Variants in DPP6 observed in about 807,000 individuals in gnomAD.
DPP6 encodes the protein dipeptidyl peptidase like 6.
DPP6 carries 69 observed loss-of-function variants against 122.6 expected under a neutral mutation model. That is an observed-to-expected ratio of 0.56 (90% confidence interval 0.46 to 0.69). The LOEUF is 0.69. Among genes scored for constraint, DPP6 ranks in the 30% least tolerant of loss-of-function variants. DPP6 has a pLI of 0.00. For synonymous variants in DPP6, 418 were observed against 433.1 expected, an observed-to-expected ratio of 0.97 and a Z score of 0.43; for missense variants, 928 against 1,116.9, an observed-to-expected ratio of 0.83 and a Z score of 2.41.
intron 8 of DPP6, among the ~76,000 whole-genome samples, chr7:154,730,109 T>C (rs1169041864): frequency 2.6e-5 from 4 of 152,186 alleles, no homozygotes; most frequent in East Asian, 1.9e-4. Context: ...TAAAGCCCCT[T>C]GTGTGCTGCC....
rs117124652 is a variant in DPP6, at chr7:154,332,535, G to A, written c.244-113679G>A. Reference sequence around the variant, plus strand: ...CATGGATGACCCTCTGGGTAGCAACGTTTGGGGTCTTTGTGTGTCCACACA... The same window carrying A: ...CATGGATGACCCTCTGGGTAGCAACATTTGGGGTCTTTGTGTGTCCACACA... On this transcript the variant is annotated intron_variant, in intron 1 of 25. Coordinates refer to ENST00000377770, the MANE Select transcript of DPP6 (RefSeq NM_130797.4). Among the ~76,000 whole-genome samples, 1,047 of 152,348 alleles carry A rather than the reference G, an allele frequency of 6.9e-3. 25 individuals carry two copies. Among genetic ancestry groups the A allele is most frequent in the East Asian group, 0.057 (297 of 5,182 alleles).
At chr7:154,185,177 G>C (rs929709703) in intron 1 of DPP6, among the ~76,000 whole-genome samples, 5 of 152,198 alleles carry the variant, frequency 3.3e-5, no homozygotes, top group Admixed American at 2.6e-4. Flanking sequence ...GCATTCAAAT[G>C]TATGGTATGC....
chr7:154,494,177 G>C (rs1190107711), intron 3 of DPP6, among the ~76,000 whole-genome samples: 1 of 152,000 alleles, frequency 6.6e-6, no homozygotes. Context: ...AATAAAGTGA[G>C]AAATCATTTC....
chr7:154,836,496 G>A (rs1584847956), intron 16 of DPP6, among the ~76,000 whole-genome samples: 2 of 152,220 alleles, frequency 1.3e-5, no homozygotes, highest in South Asian at 2.1e-4. Flanking sequence ...TCACTTGTGC[G>A]GCTGTTCGAA....
intron 8 of DPP6, among the ~76,000 whole-genome samples, chr7:154,735,472 G>A (rs1447433350): frequency 6.6e-6 from 1 of 152,198 alleles, no homozygotes; most frequent in African/African-American, 2.4e-5. Context: ...GACCTATGAG[G>A]TACTGTGCAA....
At position 154,241,924 on chromosome 7, in the gene DPP6, G is replaced by A. The variant is rs149976337; in HGVS notation, c.243+188861G>A. ...CTTCCTCTGGCATTCACAGAGGGCT[G>A]AGTTTCTAGTAGATGTTAATCAAAT... On this transcript the variant is annotated intron_variant, in intron 1 of 25. Transcript: ENST00000377770. This position sits in a 1 kb window ranked among gnomAD's most constrained non-coding sequence, Gnocchi z 9.0. 6.6e-6 allele frequency among the ~76,000 whole-genome samples: 1 copy of A among 152,272 alleles called. No individual in the cohort carries two copies. The highest frequency in any genetic ancestry group is 1.5e-5 in the Non-Finnish European group (1 of 68,022).
chr7:154,558,694 G>C (rs1395479380), intron 4 of DPP6, among the ~76,000 whole-genome samples: 1 of 152,220 alleles, frequency 6.6e-6, no homozygotes, highest in African/African-American at 2.4e-5. Flanking sequence ...ATATGGCCTA[G>C]GTGTGGAGTA....
At chr7:153,950,371 C>G (rs947367326) in intron 1 of DPP6, among the ~76,000 whole-genome samples, 1 of 152,122 alleles carries the variant, frequency 6.6e-6, no homozygotes, top group African/African-American at 2.4e-5. Flanking sequence ...GGAGGTAGAG[C>G]TGGACTAGGA....
chr7:153,767,911 C>T, the DPP6 span, among the ~76,000 whole-genome samples: 1 of 152,086 alleles, frequency 6.6e-6, no homozygotes, highest in African/African-American at 2.4e-5. Context: ...GGGGCAGCAC[C>T]TGGGTGGTGA....
rs142061244 is a variant in DPP6, at chr7:154,319,441, C to A, written c.244-126773C>A. 9.1e-3 allele frequency among the ~76,000 whole-genome samples: 1,387 copies of A among 152,306 alleles called. 5 individuals are homozygous for A. Among genetic ancestry groups the A allele is most frequent in the South Asian group, 0.033 (157 of 4,830 alleles). The stretch of plus-strand genomic sequence containing the variant: ...GGGCATGGTGATTCATGCCTGTAAT[C>A]CCAGCACTTTGGGAGGCCGAGGCGG... On this transcript the variant is annotated intron_variant, in intron 1 of 25. Coordinates refer to ENST00000377770, the MANE Select transcript of DPP6 (RefSeq NM_130797.4).
At chr7:154,256,613 C>G (rs1454233534) in intron 1 of DPP6, among the ~76,000 whole-genome samples, 1 of 152,198 alleles carries the variant, frequency 6.6e-6, no homozygotes, top group Admixed American at 6.5e-5. Context: ...TTCTTTTGTT[C>G]TTAAATATTT....
intron 1 of DPP6, among the ~76,000 whole-genome samples, chr7:154,006,607 T>C (rs1797922656): frequency 6.6e-6 from 1 of 152,172 alleles, no homozygotes; most frequent in Admixed American, 6.5e-5. Flanking sequence ...AGCTGAGCTC[T>C]GCACGGACAG....
At chr7:154,186,445 A>G (rs574755003) in intron 1 of DPP6, among the ~76,000 whole-genome samples, 110 of 152,400 alleles carry the variant, frequency 7.2e-4, no homozygotes, top group African/African-American at 2.6e-3. Flanking sequence ...AATGTATTGC[A>G]TACAACACCT....
chr7:154,718,454 A>C (rs918042540), intron 7 of DPP6, among the ~76,000 whole-genome samples: 1 of 152,038 alleles, frequency 6.6e-6, no homozygotes, highest in Non-Finnish European at 1.5e-5. Flanking sequence ...GTCTAATTTC[A>C]TTCTTCACGT....
intron 20 of DPP6, among the ~76,000 whole-genome samples, chr7:154,879,453 G>A (rs1460289034): frequency 1.5e-5 from 2 of 135,400 alleles, no homozygotes; most frequent in Non-Finnish European, 3.0e-5. Flanking sequence ...AGCCGGGCGA[G>A]GTGGCGGGCA....
chr7:154,530,124 CAAAAGAAAAAAAAAAAGA>C (rs1422434700), intron 3 of DPP6, among the ~76,000 whole-genome samples: 1 of 125,700 alleles, frequency 8.0e-6, no homozygotes, highest in Non-Finnish European at 1.7e-5. Context: ...GACTCTGTCT[CAAAAGAAAAAAAAAAAGA>C]AAAAGAAAAA....
intron 1 of DPP6, chr7:154,094,184 G>A (rs1210672319): frequency 6.6e-6 from 1 of 152,194 alleles, no homozygotes; most frequent in Admixed American, 6.5e-5. Flanking sequence ...ATAGATGCGA[G>A]ATCATCCTCG....
In DPP6 at chr7:154,850,486, G is replaced by A. The variant is rs545003901; in HGVS notation, c.1667-3294G>A. 1.2e-4 allele frequency among the ~76,000 whole-genome samples: 18 copies of A among 152,260 alleles called. No homozygotes were observed. The East Asian group carries it at 2.9e-3, about 24-fold the overall frequency. On this transcript the variant is annotated intron_variant, in intron 16 of 25. Transcript: ENST00000377770. Reference sequence around the variant, plus strand: ...CTGGCCTCATAAAATGAGTTTGGAAGTACTCCCTCACGTTCCATTTTTTGG... The same window carrying A: ...CTGGCCTCATAAAATGAGTTTGGAAATACTCCCTCACGTTCCATTTTTTGG...
chr7:154,639,171 A>AT, intron 6 of DPP6, among the ~76,000 whole-genome samples: 1 of 152,286 alleles, frequency 6.6e-6, no homozygotes, highest in South Asian at 2.1e-4. Context: ...CGAATAAACT[A>AT]ATTTAATGTG....
Sources: allele counts gnomAD v4.1 joint callset (sites outside exome capture counted in the v4.1 genomes callset), GRCh38; gene constraint gnomAD v4.1.1; non-coding constraint Gnocchi (gnomAD v3.1); transcripts MANE v1.5; gene names NCBI Gene and HGNC (gene_info 2026-07-23, HGNC 2026-07-21).